The following ST14 variants were observed in gnomAD, a reference collection of about 807,000 sequenced individuals.
ST14 encodes the protein ST14 transmembrane serine protease matriptase, also known as suppressor of tumorigenicity 14 protein.
Under a neutral mutation model 96.5 loss-of-function variants are expected in ST14, and 40 were observed. The observed-to-expected ratio is 0.41, with a 90% CI of 0.32 to 0.54. The LOEUF (loss-of-function observed/expected upper bound fraction) is 0.54, where lower values mean the gene tolerates loss of function less well. ST14 is among the 20% of genes least tolerant of loss of function. The pLI, the probability that ST14 is intolerant of heterozygous loss-of-function variation, is 0.17. For missense variants in ST14, 1,066 were observed against 1,188.9 expected, an observed-to-expected ratio of 0.90 and a Z score of 1.52; for synonymous variants, 506 against 492.1, an observed-to-expected ratio of 1.03 and a Z score of -0.37.
intron 1 of ST14, among the ~76,000 whole-genome samples, chr11:130,169,369 A>T (rs1398560885): frequency 1.3e-5 from 2 of 152,192 alleles, no homozygotes; most frequent in Non-Finnish European, 2.9e-5. Context: ...TGCTGGGATT[A>T]CAGGCATGAG....
chr11:130,184,917 G>A (rs1337310925), intron 1 of ST14, among the ~76,000 whole-genome samples: 4 of 152,174 alleles, frequency 2.6e-5, no homozygotes, highest in Non-Finnish European at 5.9e-5. Flanking sequence ...CCATCCACAG[G>A]AAGATGTATA....
At chr11:130,208,015 G>C (rs1271940989) in intron 16 of ST14, among the ~76,000 whole-genome samples, 2 of 152,078 alleles carry the variant, frequency 1.3e-5, no homozygotes, top group Admixed American at 6.5e-5. Context: ...AGATTGCAGT[G>C]AGCCGAGATC....
chr11:130,175,132 C>A (rs1247046994), intron 1 of ST14, among the ~76,000 whole-genome samples: 9 of 152,120 alleles, frequency 5.9e-5, no homozygotes, highest in African/African-American at 2.2e-4. Context: ...TTCATTATAT[C>A]TATCACGTGC....
Position 130,198,598 on chromosome 11 carries a change from C to T in ST14, c.1661C>T (p.Ser554Phe). 1 of 1,613,892 alleles carries T rather than the reference C, an allele frequency of 6.2e-7. No individual in the cohort carries two copies. Among genetic ancestry groups the T allele is most frequent in the Non-Finnish European group, 8.5e-7 (1 of 1,179,972 alleles). The change falls in exon 14 of 19, where the codon TCC (serine) becomes TTC (phenylalanine). Residue 554 changes from serine to phenylalanine, a missense_variant. Ser to Phe is a radical substitution (Grantham distance 155, BLOSUM62 -2). Transcript: ENST00000278742. Reference protein sequence around the residue: ...CNGKDDCGDGSDEASCPKVNV... With the variant: ...CNGKDDCGDGFDEASCPKVNV... ...GGGAAGGACGACTGTGGGGACGGGT[C>T]CGACGAGGCCTCCTGCCCCAAGGGT... is the stretch of plus-strand genomic sequence containing the variant.
chr11:130,206,253 C>T (rs941738857), intron 16 of ST14, among the ~76,000 whole-genome samples: 1 of 152,168 alleles, frequency 6.6e-6, no homozygotes, highest in East Asian at 1.9e-4. Context: ...GTACCCTACT[C>T]GGGGAGAGCA....
chr11:130,197,998 G>T (rs955265528), intron 12 of ST14, 53 bp downstream of exon 12: 1 of 1,493,900 alleles, frequency 6.7e-7, no homozygotes, highest in Non-Finnish European at 9.1e-7. Flanking sequence ...CACCCTGCCC[G>T]CGTCCCATGG....
chr11:130,186,461 C>G (rs1006121136), intron 1 of ST14, among the ~76,000 whole-genome samples: 4 of 152,030 alleles, frequency 2.6e-5, no homozygotes, highest in African/African-American at 9.7e-5. Flanking sequence ...AGGACTGTGG[C>G]CCTCAGGAAG....
chr11:130,190,524 C>CA lies in ST14; in HGVS notation c.706dup (p.Ser236LysfsTer29). ...GCTTCACCACGCCCGGCTTCCCTGACAGCCCCTACCCCGCTCATGCCCGCT... is the reference window on the plus strand; with the variant it reads ...GCTTCACCACGCCCGGCTTCCCTGACAAGCCCCTACCCCGCTCATGCCCGCT... On this transcript the variant is annotated frameshift_variant, in exon 7 of 19. Transcript: ENST00000278742. LOFTEE classifies it high-confidence loss of function. 6.2e-7 allele frequency: 1 copy of CA among 1,610,780 alleles called. No homozygotes were observed. Among genetic ancestry groups the CA allele is most frequent in the Non-Finnish European group, 8.5e-7 (1 of 1,179,822 alleles).
At chr11:130,205,680 A>G (rs10791063) in intron 16 of ST14, among the ~76,000 whole-genome samples, 62,583 of 143,654 alleles carry the variant, frequency 0.44, 13,835 homozygotes, top group South Asian at 0.62. Flanking sequence ...AATCATGCCC[A>G]TCATGTTCTT....
At chr11:130,189,713 G>C (rs780320543) in intron 4 of ST14, 26 bp from the exon 5 acceptor site, 160 of 1,607,090 alleles carry the variant, frequency 1.0e-4, no homozygotes, top group Non-Finnish European at 1.3e-4. Context: ...CCAGAGCTCC[G>C]CCTCAGGCTC....
intron 7 of ST14, among the ~76,000 whole-genome samples, 199 bp downstream of exon 7, chr11:130,190,893 T>A (rs1953291018): frequency 2.0e-5 from 3 of 152,228 alleles, no homozygotes; most frequent in African/African-American, 7.2e-5. Flanking sequence ...TTCTCAGCCT[T>A]GGCAAAGCAG....
intron 16 of ST14, among the ~76,000 whole-genome samples, chr11:130,203,832 T>G (rs906693210): frequency 2.6e-5 from 4 of 152,200 alleles, no homozygotes; most frequent in Admixed American, 6.5e-5. Context: ...TTTTGTACTT[T>G]TAGTAGAAAC....
rs748801755 is a variant in ST14 at position 130,196,695 on chromosome 11, G to A, written c.1349G>A (p.Ser450Asn). ...GCTGAATACCTCTCCTACGACTCCA[G>A]TGACCGTGAGTGAACATTGTTGGGA... ...FLAEYLSYDS[S>N]DPCPGQFTCR... The change falls in exon 11 of 19, where the codon AGT becomes AAT. Residue 450 changes from serine (S) to asparagine (N), a missense_variant. Transcript: ENST00000278742. 1.2e-6 allele frequency: 2 copies of A among 1,614,184 alleles called. No homozygotes were observed. Among genetic ancestry groups the A allele is most frequent in the Non-Finnish European group, 1.7e-6 (2 of 1,180,032 alleles).
chr11:130,199,828 G>C (rs1953408726), intron 15 of ST14, 123 bp from the exon 16 acceptor site: 1 of 1,207,724 alleles, frequency 8.3e-7, no homozygotes, highest in Non-Finnish European at 1.2e-6. Flanking sequence ...CACGCCAGCA[G>C]TGCTGTGCAC....
intron 1 of ST14, among the ~76,000 whole-genome samples, chr11:130,186,173 A>T (rs548030632): frequency 1.3e-5 from 2 of 152,362 alleles, no homozygotes; most frequent in South Asian, 2.1e-4. Flanking sequence ...CCAAAGTTCC[A>T]TAAATGTGTG....
intron 1 of ST14, among the ~76,000 whole-genome samples, chr11:130,178,792 G>A (rs540874770): frequency 9.2e-5 from 14 of 152,296 alleles, no homozygotes; most frequent in East Asian, 5.8e-4. Context: ...CTGGCGGGGC[G>A]GCTGAGGGCG....
intron 16 of ST14, 68 bp downstream of exon 16, chr11:130,200,205 T>A: frequency 1.3e-6 from 2 of 1,585,838 alleles, no homozygotes; most frequent in African/African-American, 1.3e-5. Flanking sequence ...AATGCCAGGA[T>A]AGGTTGGCAC....
intron 16 of ST14, among the ~76,000 whole-genome samples, chr11:130,202,927 C>T (rs1953445189): frequency 6.6e-6 from 1 of 152,194 alleles, no homozygotes; most frequent in Non-Finnish European, 1.5e-5. Context: ...ACTAGCGATT[C>T]CCAACTGCAC....
In ST14 at chr11:130,160,018, G is replaced by T. The variant is rs1266272517; in HGVS notation, c.39G>T (p.Pro13=). The part of the protein sequence containing the change: ...SDRARKGGGG[P]KDFGAGLKYN... ...GGGCCCGCAAGGGCGGAGGGGGCCC[G>T]AAGGACTTCGGCGCGGGACTCAAGT... The change falls in exon 1 of 19, where the codon CCG becomes CCT. Residue 13 remains proline, a synonymous_variant. Coordinates refer to ENST00000278742, the MANE Select transcript of ST14 (RefSeq NM_021978.4). 1 of 1,429,604 alleles carries T rather than the reference G, an allele frequency of 7.0e-7. No individual in the cohort carries two copies. Among genetic ancestry groups the T allele is most frequent in the African/African-American group, 1.5e-5 (1 of 67,368 alleles). The allele number at this position is 1,429,604 out of a possible 1,614,324, so 88.6% of individuals were successfully genotyped here.
Sources: gnomAD v4.1 joint callset for allele counts (sites outside exome capture counted in the v4.1 genomes callset) on GRCh38, gnomAD v4.1.1 for gene constraint, MANE v1.5 for transcripts, NCBI Gene and HGNC (gene_info 2026-07-23, HGNC 2026-07-21) for gene names.